Variants in ATAD3C observed in about 807,000 individuals in gnomAD.
ATAD3C encodes the protein ATPase family AAA domain containing 3C, also known as ATPase family AAA domain-containing protein 3C.
ATAD3C carries 38 observed loss-of-function variants against 46.3 expected under a neutral mutation model. The observed-to-expected ratio is 0.82, with a 90% confidence interval of 0.63 to 1.08. The LOEUF (loss-of-function observed/expected upper bound fraction) is 1.08, where lower values mean the gene tolerates loss of function less well. Among genes scored for constraint, ATAD3C ranks in the 50% least tolerant of loss-of-function variants. ATAD3C has a pLI of 0.00. For missense variants in ATAD3C, 563 were observed against 572.7 expected, an observed-to-expected ratio of 0.98 and a Z score of 0.17; for synonymous variants, 220 against 236.4, an observed-to-expected ratio of 0.93 and a Z score of 0.63.
At chr1:1,461,720 T>TGGGG (rs1639070636) in intron 10 of ATAD3C, among the ~76,000 whole-genome samples, 1 of 148,162 alleles carries the variant, frequency 6.7e-6, no homozygotes, top group East Asian at 1.9e-4. Flanking sequence ...GACCCCCATG[T>TGGGG]AGGGATTGGA....
intron 11 of ATAD3C, among the ~76,000 whole-genome samples, chr1:1,468,064 G>A (rs1570162236): frequency 2.0e-5 from 3 of 151,940 alleles, no homozygotes. Flanking sequence ...GCTGAGACAC[G>A]CAGAGGGTCT....
intron 11 of ATAD3C, among the ~76,000 whole-genome samples, chr1:1,466,283 C>T (rs374723518): frequency 2.0e-5 from 3 of 149,738 alleles, no homozygotes; most frequent in Admixed American, 6.7e-5. Flanking sequence ...CGCGGTGGCT[C>T]ACGCCTGTAA....
Position 1,462,933 on chromosome 1 carries a change from A to G in ATAD3C, c.1089+225A>G, listed in dbSNP as rs929394118. 3.3e-5 allele frequency among the ~76,000 whole-genome samples: 5 copies of G among 152,134 alleles called. No homozygotes were observed. Among genetic ancestry groups the G allele is most frequent in the African/African-American group, 1.2e-4 (5 of 41,444 alleles). On this transcript the variant is annotated intron_variant, in intron 11 of 11. Transcript: ENST00000378785. This position sits in a 1 kb window ranked among gnomAD's most constrained non-coding sequence, Gnocchi z 4.5. ...GGGGCCATGTCAGTGGCTGACGGTC[A>G]CAGGTCAGGAAGCCAGTGCGGCCTC...
At position 1,454,485 on chromosome 1, in the gene ATAD3C, G is replaced by A; in HGVS notation, c.363G>A (p.Leu121=). ...ETSRITVLEA[L]RHPIQQVSRR... ...CCCGCATCACGGTGCTTGAGGCGCT[G>A]CGGCACCCCATCCAGGTAGCGGCGC... is the stretch of plus-strand genomic sequence containing the variant. Residue 121 remains leucine (L), a synonymous_variant, in exon 4 of 12, where the codon CTG becomes CTA. Transcript: ENST00000378785. 6.2e-7 allele frequency: 1 copy of A among 1,609,030 alleles called. No homozygotes were observed.
At chr1:1,461,910 T>C (rs1349244813) in intron 10 of ATAD3C, among the ~76,000 whole-genome samples, 1 of 152,058 alleles carries the variant, frequency 6.6e-6, no homozygotes, top group South Asian at 2.1e-4. Flanking sequence ...AGGCTCCCTG[T>C]TGCTGGCGGT....
chr1:1,457,257 A>C (rs1638979225), intron 8 of ATAD3C, 77 bp downstream of exon 8: 4 of 1,598,316 alleles, frequency 2.5e-6, no homozygotes, highest in Non-Finnish European at 2.6e-6. Flanking sequence ...GCCAGGCCGC[A>C]GCCCACTGCT....
chr1:1,461,302 A>C (rs1158901768), intron 10 of ATAD3C, among the ~76,000 whole-genome samples: 1 of 151,886 alleles, frequency 6.6e-6, no homozygotes, highest in African/African-American at 2.4e-5. Context: ...ATTCTCCTGC[A>C]TCAGCCTCCT....
At position 1,459,040 on chromosome 1, in the gene ATAD3C, G is replaced by C. The variant is rs777150602; in HGVS notation, c.742-121G>C. 27 of 1,557,712 alleles carry C rather than the reference G, an allele frequency of 1.7e-5. No homozygotes were observed. Among genetic ancestry groups the C allele is most frequent in the Non-Finnish European group, 2.3e-5 (26 of 1,151,356 alleles). On this transcript the variant is annotated intron_variant, in intron 8 of 11. Transcript: ENST00000378785. This position sits in a 1 kb window ranked among gnomAD's most constrained non-coding sequence, Gnocchi z 4.9. ...GGCCCTGGTCAGGCTTTTGAGTCTAGATCCGTGAAAGTGTCGCCATGTCCC... is the reference window on the plus strand; with the variant it reads ...GGCCCTGGTCAGGCTTTTGAGTCTACATCCGTGAAAGTGTCGCCATGTCCC...
Position 1,468,550 on chromosome 1 carries a change from C to A in ATAD3C, c.*20C>A, listed in dbSNP as rs756870415. 6.9e-6 allele frequency: 11 copies of A among 1,591,384 alleles called. 1 individual carries two copies. The South Asian group carries it at 1.2e-4, about 18-fold the overall frequency. On this transcript the variant is annotated 3_prime_UTR_variant, in exon 12 of 12. Coordinates refer to ENST00000378785, the MANE Select transcript of ATAD3C (RefSeq NM_001039211.3). ...TCCTGAGTCCATGGGGAGACCACAC[C>A]TCACGGAGCCTGGCCGCGGACCCCT...
intron 11 of ATAD3C, among the ~76,000 whole-genome samples, chr1:1,463,251 A>C (rs1286680321): frequency 1.3e-5 from 2 of 151,954 alleles, no homozygotes; most frequent in African/African-American, 4.8e-5. Context: ...GACTCACAGG[A>C]GTGTGGGCAC....
chr1:1,461,362 AT>A (rs200584564), intron 10 of ATAD3C, among the ~76,000 whole-genome samples: 19,300 of 151,586 alleles, frequency 0.13, 3,015 homozygotes, highest in East Asian at 0.46. Flanking sequence ...TACTTTTCGT[AT>A]TTTTTGTGGA....
At position 1,462,625 on chromosome 1, in the gene ATAD3C, T is replaced by C; in HGVS notation, c.1006T>C (p.Tyr336His). The C allele has an allele frequency of 1.9e-6, 3 of 1,603,958 alleles. No homozygotes were observed. The Middle Eastern group carries it at 5.0e-4, about 265-fold the overall frequency. ...KRRLKLAQFDYGRKCLEIARL... is the reference protein window; with the variant it reads ...KRRLKLAQFDHGRKCLEIARL... Reference sequence around the variant, plus strand: ...GCGTCTGAAGCTGGCCCAGTTTGACTACGGGAGGAAGTGCTTAGAGATCGC... The same window carrying C: ...GCGTCTGAAGCTGGCCCAGTTTGACCACGGGAGGAAGTGCTTAGAGATCGC... The change falls in exon 11 of 12, where the codon TAC (tyrosine) becomes CAC (histidine). Residue 336 changes from tyrosine to histidine, a missense_variant. Physicochemically the swap from Tyr to His is moderately conservative, Grantham distance 83. Around this residue, in one of 3 missense-constraint regions of ATAD3C, gnomAD observed 273 missense variants for 253.5 expected, o/e 1.08. Coordinates refer to ENST00000378785, the MANE Select transcript of ATAD3C (RefSeq NM_001039211.3). The surrounding 1 kb of genome is among the most constrained non-coding windows in gnomAD (Gnocchi z 4.5).
chr1:1,452,391 G>A lies in ATAD3C; in HGVS notation c.179G>A (p.Gly60Glu). 6.2e-7 allele frequency: 1 copy of A among 1,613,800 alleles called. No individual in the cohort carries two copies. Among genetic ancestry groups the A allele is most frequent in the Non-Finnish European group, 8.5e-7 (1 of 1,179,764 alleles). ...IRAAGTLFGE[G>E]FRAFVTDRDK... is the part of the protein sequence containing the mutation. ...GCGGCTGGCACCTTGTTTGGGGAAG[G>A]ATTCCGTGCCTTTGTGACAGACCGG... Residue 60 changes from glycine (G) to glutamate (E), a missense_variant, in exon 3 of 12, where the codon GGA becomes GAA. Gly to Glu is a moderately conservative substitution (Grantham distance 98). Transcript: ENST00000378785.
In ATAD3C at chr1:1,459,296, A is replaced by G. The variant is rs1639019370; in HGVS notation, c.812+65A>G. On this transcript the variant is annotated intron_variant, in intron 9 of 11. Transcript: ENST00000378785. The surrounding 1 kb of genome is among the most constrained non-coding windows in gnomAD (Gnocchi z 4.9). ...TGTGCAGCCGTCACCCTTGGTTCCC[A>G]CCGAGGGACCTGAGGGGCCCTGGCT... The G allele has an allele frequency of 2.5e-6, 4 of 1,609,760 alleles. No individual in the cohort carries two copies. Among genetic ancestry groups the G allele is most frequent in the Admixed American group, 3.4e-5 (2 of 59,580 alleles).
chr1:1,454,186 T>C (rs1465731313), intron 3 of ATAD3C, among the ~76,000 whole-genome samples, 159 bp from the exon 4 acceptor site: 28 of 151,964 alleles, frequency 1.8e-4, no homozygotes, highest in Non-Finnish European at 1.5e-5. Context: ...CGCGTGGCTG[T>C]GGGATTCGGG....
intron 11 of ATAD3C, among the ~76,000 whole-genome samples, chr1:1,464,446 C>T (rs567653360): frequency 4.4e-4 from 67 of 151,978 alleles, no homozygotes; most frequent in African/African-American, 1.4e-3. Context: ...TGAGCCAACA[C>T]GCCCAGCACC....
Position 1,452,999 on chromosome 1 carries a change from C to T in ATAD3C, c.222+565C>T, listed in dbSNP as rs532895823. On this transcript the variant is annotated intron_variant, in intron 3 of 11. Transcript: ENST00000378785. ...CCACGTCGCACATGGCTGTGTCCTC[C>T]GTCCCCCCACCCCGCCCAGCACACA... 2.2e-4 allele frequency among the ~76,000 whole-genome samples: 34 copies of T among 152,076 alleles called. No individual in the cohort carries two copies. The East Asian group carries it at 5.8e-3, about 26-fold the overall frequency.
chr1:1,469,104 A>T lies in ATAD3C; in HGVS notation c.*574A>T, dbSNP rs1233633120. The T allele has an allele frequency of 1.9e-5, 2 of 103,102 alleles. No individual in the cohort carries two copies. The highest frequency in any genetic ancestry group is 1.2e-4 in the African/African-American group (2 of 17,228). The allele number at this position is 103,102 out of a possible 1,614,324, so 6.4% of individuals were successfully genotyped here. A position where few individuals can be genotyped will look rare whatever the true frequency, so the allele number is the denominator to read the frequency against. On this transcript the variant is annotated 3_prime_UTR_variant, in exon 12 of 12. Coordinates refer to ENST00000378785, the MANE Select transcript of ATAD3C (RefSeq NM_001039211.3). ...TGGTGAAACTCCATCTCTCCTAAAA[A>T]AAAAAAAAAAAAAAAAAAAAAAAAA... is the stretch of plus-strand genomic sequence containing the variant.
chr1:1,455,239 A>C (rs1570146476), intron 4 of ATAD3C, among the ~76,000 whole-genome samples: 3 of 142,194 alleles, frequency 2.1e-5, no homozygotes, highest in South Asian at 4.5e-4. Flanking sequence ...AAAAAAAAAA[A>C]AAAACCCAGA....
Sources: gnomAD v4.1 joint callset for allele counts (sites outside exome capture counted in the v4.1 genomes callset) on GRCh38, gnomAD v4.1.1 for gene constraint, gnomAD v4.1.1 regional missense constraint, Gnocchi (gnomAD v3.1) non-coding constraint, MANE v1.5 for transcripts, NCBI Gene and HGNC (gene_info 2026-07-23, HGNC 2026-07-21) for gene names.